HKDC1: variants seen among roughly 807,000 people sequenced by gnomAD.
HKDC1 encodes hexokinase HKDC1.
Under a neutral mutation model 96.6 loss-of-function variants are expected in HKDC1, and 66 were observed. The observed-to-expected ratio is 0.68, with a 90% confidence interval of 0.56 to 0.84. The LOEUF (loss-of-function observed/expected upper bound fraction) is 0.84, where lower values mean the gene tolerates loss of function less well. Among genes scored for constraint, HKDC1 ranks in the 40% least tolerant of loss-of-function variants. HKDC1 has a pLI of 0.00. For missense variants in HKDC1, 1,211 were observed against 1,208.1 expected, an observed-to-expected ratio of 1.00 and a Z score of -0.04; for synonymous variants, 466 against 473.1, an observed-to-expected ratio of 0.98 and a Z score of 0.20.
intron 2 of HKDC1, among the ~76,000 whole-genome samples, chr10:69,228,057 C>G (rs907601834): frequency 6.6e-6 from 1 of 152,146 alleles, no homozygotes; most frequent in Admixed American, 6.5e-5. Context: ...CGAATATATT[C>G]TCTGACAGTT....
intron 7 of HKDC1, among the ~76,000 whole-genome samples, chr10:69,245,065 C>T (rs1410023904): frequency 6.6e-6 from 1 of 152,060 alleles, no homozygotes; most frequent in African/African-American, 2.4e-5. Context: ...CCATGCCCGG[C>T]TAATTTTTTT....
intron 12 of HKDC1, among the ~76,000 whole-genome samples, chr10:69,252,114 C>T (rs1457984021): frequency 6.6e-6 from 1 of 152,166 alleles, no homozygotes; most frequent in African/African-American, 2.4e-5. Context: ...ATCACATGGC[C>T]ACTTTAGCTG....
At chr10:69,237,056 TCC>T (rs1357122815) in intron 4 of HKDC1, among the ~76,000 whole-genome samples, 3 of 152,030 alleles carry the variant, frequency 2.0e-5, no homozygotes, top group African/African-American at 7.3e-5. Flanking sequence ...TCTGTTCAGC[TCC>T]ATGACTGCAG....
At chr10:69,247,212 C>A in intron 8 of HKDC1, 148 bp from the exon 9 acceptor site, 1 of 617,236 alleles carries the variant, frequency 1.6e-6, no homozygotes. Flanking sequence ...GCAGCTGCTA[C>A]TATCAATGTT....
At chr10:69,221,379 G>A (rs1054939846) in intron 1 of HKDC1, among the ~76,000 whole-genome samples, 3 of 152,094 alleles carry the variant, frequency 2.0e-5, no homozygotes, top group East Asian at 1.9e-4. Context: ...GTTGCCAAGG[G>A]TCAACAGGAG....
chr10:69,243,981 G>A (rs761610468), intron 7 of HKDC1, among the ~76,000 whole-genome samples: 1 of 152,106 alleles, frequency 6.6e-6, no homozygotes, highest in South Asian at 2.1e-4. Flanking sequence ...GCACTCGGAC[G>A]CTTGGCCGCA....
At chr10:69,221,941 G>C (rs1235253572) in intron 1 of HKDC1, among the ~76,000 whole-genome samples, 1 of 151,964 alleles carries the variant, frequency 6.6e-6, no homozygotes, top group Non-Finnish European at 1.5e-5. Flanking sequence ...AAAAAAAAAG[G>C]CCAAGGATGG....
Position 69,239,028 on chromosome 10 carries a change from A to G in HKDC1, c.496-14A>G, listed in dbSNP as rs746360255. 1.7e-5 allele frequency: 28 copies of G among 1,602,336 alleles called. No homozygotes were observed. The highest frequency in any genetic ancestry group is 2.2e-5 in the Non-Finnish European group (26 of 1,170,456). On this transcript the variant is annotated splice_polypyrimidine_tract_variant and intron_variant, in intron 4 of 17. Transcript: ENST00000354624. The stretch of plus-strand genomic sequence containing the variant: ...ACGTCTTTCATTCAAACTGGACCTG[A>G]AATCTTCTCCCAGGGTGTCCTACTT...
At chr10:69,247,194 A>G (rs188083011) in intron 8 of HKDC1, among the ~76,000 whole-genome samples, 166 bp from the exon 9 acceptor site, 5 of 152,330 alleles carry the variant, frequency 3.3e-5, no homozygotes, top group East Asian at 1.9e-4. Flanking sequence ...GTGACTGCTC[A>G]GTTAGTGGCA....
intron 12 of HKDC1, among the ~76,000 whole-genome samples, chr10:69,254,204 C>T (rs1331644515): frequency 6.6e-6 from 1 of 152,056 alleles, no homozygotes; most frequent in African/African-American, 2.4e-5. Flanking sequence ...ATTTGGGTGG[C>T]TGAGGCAGGA....
intron 15 of HKDC1, among the ~76,000 whole-genome samples, chr10:69,259,764 G>A (rs1843778583): frequency 6.6e-6 from 1 of 152,136 alleles, no homozygotes. Flanking sequence ...AAAGAGTGAA[G>A]GGGGAGGCGT....
Position 69,233,016 on chromosome 10 carries a change from G to A in HKDC1, c.378G>A (p.Leu126=), listed in dbSNP as rs535500410. Residue 126 remains leucine (L), a splice_region_variant and synonymous_variant, in exon 4 of 18, where the codon CTG becomes CTA. Coordinates refer to ENST00000354624, the MANE Select transcript of HKDC1 (RefSeq NM_025130.4). The stretch of plus-strand genomic sequence containing the variant: ...ACTTTGCTTTCTCTTCTCTGCAGCT[G>A]TTTGAATATGTAGCTGACTGTCTGG... ...NEIIRGNGTE[L]FEYVADCLAD... is the part of the protein sequence containing the mutation. 2.5e-5 allele frequency: 41 copies of A among 1,613,990 alleles called. 1 individual carries two copies. The South Asian group carries it at 4.5e-4, about 18-fold the overall frequency.
chr10:69,248,682 G>C lies in HKDC1; in HGVS notation c.1524G>C (p.Thr508=), dbSNP rs984799626. ...GLKKKSHGLA[T]VRMLPTYVCG... is the part of the protein sequence containing the mutation. ...AGAAGAAGAGCCACGGGCTGGCCAC[G>C]GTCAGGATGCTGCCCACCTACGTCT... Residue 508 remains threonine, a synonymous_variant, in exon 10 of 18, where the codon ACG becomes ACC. Transcript: ENST00000354624. The C allele has an allele frequency of 1.9e-6, 3 of 1,613,770 alleles. No homozygotes were observed. The highest frequency in any genetic ancestry group is 1.3e-5 in the African/African-American group (1 of 75,056).
Position 69,258,915 on chromosome 10 carries a change from C to T in HKDC1, c.2172C>T (p.Tyr724=), listed in dbSNP as rs767661389. 4.5e-5 allele frequency: 72 copies of T among 1,603,880 alleles called. No individual in the cohort carries two copies. The highest frequency in any genetic ancestry group is 6.7e-5 in the African/African-American group (5 of 74,390). Residue 724 remains tyrosine (Y), a synonymous_variant, in exon 15 of 18, where the codon TAC becomes TAT. Transcript: ENST00000354624. ...NGCIDDIWTR[Y]DTEVDEGSLN... ...GCATAGATGACATCTGGACCCGATA[C>T]GACACGGAGGTGGATGAGGGGTCCT...
intron 1 of HKDC1, 115 bp downstream of exon 1, chr10:69,220,613 G>GTTGGGAGGCCGAGGCGGGCGGATCAC: frequency 1.5e-6 from 1 of 664,342 alleles, no homozygotes; most frequent in Non-Finnish European, 2.4e-6. Context: ...AAAGATACTG[G>GTTGGGAGGCCGAGGCGGGCGGATCAC]GAGCATATGA....
intron 7 of HKDC1, 134 bp downstream of exon 7, chr10:69,243,499 C>CTTTTTCCTT: frequency 1.9e-6 from 1 of 520,060 alleles, no homozygotes; most frequent in Non-Finnish European, 3.1e-6. Flanking sequence ...TTTCTTTTTC[C>CTTTTTCCTT]TTTTTTTTTT....
rs752287129 is a variant in HKDC1 at position 69,233,109 on chromosome 10, C to T, written c.471C>T (p.Pro157=). 8 of 1,613,982 alleles carry T rather than the reference C, an allele frequency of 5.0e-6. No individual in the cohort carries two copies. Among genetic ancestry groups the T allele is most frequent in the Middle Eastern group, 1.6e-4 (1 of 6,084 alleles). Residue 157 remains proline (P), a synonymous_variant, in exon 4 of 18, where the codon CCC becomes CCT. Transcript: ENST00000354624. ...CCCTTGGCCTAACTTTTTCTTTCCC[C>T]TGTCGACAGACTAAACTGGAAGAGG... ...KLPLGLTFSF[P]CRQTKLEEGV...
At chr10:69,249,352 T>C (rs929945713) in intron 10 of HKDC1, among the ~76,000 whole-genome samples, 2 of 152,370 alleles carry the variant, frequency 1.3e-5, no homozygotes, top group Non-Finnish European at 2.9e-5. Flanking sequence ...CACAACCACT[T>C]GGAACGTTAC....
intron 12 of HKDC1, 120 bp downstream of exon 12, chr10:69,250,772 TGGGAAC>T (rs1843629770): frequency 9.7e-7 from 1 of 1,029,330 alleles, no homozygotes; most frequent in Non-Finnish European, 1.4e-6. Context: ...TCAGGGCAGC[TGGGAAC>T]ACATGATAGA....
Sources: allele counts gnomAD v4.1 joint callset (sites outside exome capture counted in the v4.1 genomes callset), GRCh38; gene constraint gnomAD v4.1.1; transcripts MANE v1.5; gene names NCBI Gene and HGNC (gene_info 2026-07-23, HGNC 2026-07-21).